Variants in DGUOK observed in about 807,000 individuals in gnomAD.
DGUOK encodes deoxyguanosine kinase.
In DGUOK, 30 loss-of-function variants were observed where a neutral mutation model predicts 36.6. The observed-to-expected ratio is 0.82, with a 90% CI of 0.61 to 1.11. The LOEUF is 1.11. Among genes scored for constraint, DGUOK ranks in the 50% most tolerant of loss-of-function variants. DGUOK has a pLI of 0.00. For missense variants in DGUOK, 361 were observed against 336.4 expected (o/e 1.07, Z -0.57); for synonymous variants, 145 against 126.3 (o/e 1.15, Z -0.99).
At chr2:73,933,204 G>T (rs1383782829) in intron 1 of DGUOK, among the ~76,000 whole-genome samples, 3 of 152,118 alleles carry the variant, frequency 2.0e-5, no homozygotes, top group Non-Finnish European at 4.4e-5. Context: ...AAATGATTGG[G>T]CAAAGAATCC....
At chr2:73,939,679 A>G (rs1444614800) in intron 2 of DGUOK, among the ~76,000 whole-genome samples, 3 of 152,222 alleles carry the variant, frequency 2.0e-5, no homozygotes, top group South Asian at 2.1e-4. Context: ...CTCAGGCACC[A>G]TGAACTGCTC....
At chr2:73,943,368 C>G (rs1487715727) in intron 2 of DGUOK, among the ~76,000 whole-genome samples, 1 of 149,332 alleles carries the variant, frequency 6.7e-6, no homozygotes, top group Admixed American at 6.7e-5. Flanking sequence ...CACTTTGCTG[C>G]CCAGGCTGGT....
chr2:73,932,669 C>T (rs1395753588), intron 1 of DGUOK: 3 of 1,289,436 alleles, frequency 2.3e-6, no homozygotes, highest in Non-Finnish European at 3.0e-6. Context: ...GAACCCCTGT[C>T]CTGACCAAAA....
intron 4 of DGUOK, among the ~76,000 whole-genome samples, chr2:73,956,108 T>C (rs140308219): frequency 6.6e-6 from 1 of 152,018 alleles, no homozygotes; most frequent in Non-Finnish European, 1.5e-5. Flanking sequence ...AGTTGAGAAG[T>C]AGGAGGGGTA....
chr2:73,926,920 G>A lies in DGUOK; in HGVS notation c.10G>A (p.Gly4Ser), dbSNP rs1394565182. 6.2e-7 allele frequency: 1 copy of A among 1,613,500 alleles called. No homozygotes were observed. The highest frequency in any genetic ancestry group is 1.3e-5 in the African/African-American group (1 of 75,052). ...GTGAATCGTGGGTGGGATGGCCGCG[G>A]GCCGCCTCTTTCTAAGTCGGCTTCG... is the stretch of plus-strand genomic sequence containing the variant. The part of the protein sequence containing the change: MAA[G>S]RLFLSRLRAP... Residue 4 changes from glycine to serine, a missense_variant, in exon 1 of 7, where the codon GGC becomes AGC. Transcript: ENST00000264093.
intron 4 of DGUOK, among the ~76,000 whole-genome samples, chr2:73,952,372 A>G (rs1363736533): frequency 6.6e-6 from 1 of 152,236 alleles, no homozygotes; most frequent in East Asian, 1.9e-4. Context: ...GATTAGTGTC[A>G]GCGATTGTGG....
intron 2 of DGUOK, among the ~76,000 whole-genome samples, chr2:73,941,407 A>G (rs1681893580): frequency 6.6e-6 from 1 of 152,252 alleles, no homozygotes; most frequent in Non-Finnish European, 1.5e-5. Flanking sequence ...GCAGCAATAG[A>G]TAACTAATCA....
chr2:73,956,975 G>GCTCGCCGT, intron 4 of DGUOK, 150 bp from the exon 5 acceptor site: 1 of 568,370 alleles, frequency 1.8e-6, no homozygotes, highest in Non-Finnish European at 3.3e-6. Flanking sequence ...TAGATCCTCT[G>GCTCGCCGT]ATTGCATAAG....
At chr2:73,956,815 T>C (rs1045703295) in intron 4 of DGUOK, among the ~76,000 whole-genome samples, 1 of 152,028 alleles carries the variant, frequency 6.6e-6, no homozygotes, top group Non-Finnish European at 1.5e-5. Context: ...GAGAATTGAG[T>C]GACTTCCCAG....
chr2:73,953,698 C>G, intron 4 of DGUOK, among the ~76,000 whole-genome samples: 1 of 147,312 alleles, frequency 6.8e-6, no homozygotes, highest in Non-Finnish European at 1.5e-5. Flanking sequence ...CTGCTCCTTT[C>G]TACCTATTCT....
chr2:73,955,108 T>A (rs1258514008), intron 4 of DGUOK, among the ~76,000 whole-genome samples: 1 of 152,206 alleles, frequency 6.6e-6, no homozygotes, highest in Non-Finnish European at 1.5e-5. Context: ...TTAAGGAAAT[T>A]AATAGTAAAT....
chr2:73,957,316 A>C, intron 5 of DGUOK, 76 bp downstream of exon 5: 1 of 1,061,214 alleles, frequency 9.4e-7, no homozygotes, highest in Non-Finnish European at 1.4e-6. Flanking sequence ...CAAGTTCAGC[A>C]TGCAGCCCCC....
chr2:73,932,094 C>T (rs965651751), intron 1 of DGUOK, among the ~76,000 whole-genome samples: 8 of 152,012 alleles, frequency 5.3e-5, no homozygotes, highest in African/African-American at 1.7e-4. Context: ...CAAGAGAGTC[C>T]GGAGATGGGT....
chr2:73,940,549 A>G (rs1434820684), intron 2 of DGUOK, among the ~76,000 whole-genome samples: 1 of 152,240 alleles, frequency 6.6e-6, no homozygotes. Flanking sequence ...CTATGCAGGA[A>G]TAAATTACAT....
chr2:73,945,589 T>G (rs1351890994), intron 2 of DGUOK, among the ~76,000 whole-genome samples: 2 of 152,232 alleles, frequency 1.3e-5, no homozygotes, highest in Non-Finnish European at 2.9e-5. Context: ...CAGTAAAGGT[T>G]GAAATAAATG....
intron 1 of DGUOK, among the ~76,000 whole-genome samples, chr2:73,928,259 C>T (rs1680755425): frequency 1.3e-5 from 2 of 152,270 alleles, no homozygotes; most frequent in South Asian, 4.1e-4. Flanking sequence ...TCCCGAATAG[C>T]TGGGATTAGG....
chr2:73,941,775 T>C (rs185506862), intron 2 of DGUOK, among the ~76,000 whole-genome samples: 49 of 152,290 alleles, frequency 3.2e-4, no homozygotes, highest in Middle Eastern at 3.4e-3. Context: ...ATCTTTTTGT[T>C]CTTTAGTGAA....
intron 1 of DGUOK, among the ~76,000 whole-genome samples, chr2:73,930,104 T>C (rs541896653): frequency 6.6e-6 from 1 of 152,134 alleles, no homozygotes; most frequent in Admixed American, 6.5e-5. Flanking sequence ...GCACAATTCA[T>C]CCCTAGTAAC....
rs757043357 is a variant in DGUOK, at chr2:73,950,709, A to G, written c.568A>G (p.Ile190Val). 1.2e-6 allele frequency: 2 copies of G among 1,614,116 alleles called. No homozygotes were observed. The highest frequency in any genetic ancestry group is 1.3e-5 in the African/African-American group (1 of 75,030). The change falls in exon 4 of 7, where the codon ATC (isoleucine) becomes GTC (valine). Residue 190 changes from isoleucine (I) to valine (V), a missense_variant. Transcript: ENST00000264093. ...FASRITLHGF[I>V]YLQASPQVCL... ...CAGCCGGATCACATTACATGGCTTC[A>G]TCTACCTCCAGGCTTCTCCCCAGGT...
Sources: allele counts gnomAD v4.1 joint callset (sites outside exome capture counted in the v4.1 genomes callset), GRCh38; gene constraint gnomAD v4.1.1; transcripts MANE v1.5; gene names NCBI Gene and HGNC (gene_info 2026-07-23, HGNC 2026-07-21).